MND1: variants seen among roughly 807,000 people sequenced by gnomAD.
MND1 encodes the protein meiotic nuclear divisions 1.
In MND1, 28 loss-of-function variants were observed where a neutral mutation model predicts 35.1. That is an observed-to-expected ratio of 0.80 (90% CI 0.59 to 1.09). The LOEUF is 1.09. Ranked by LOEUF, MND1 falls within the 50% of genes least tolerant of loss-of-function variation. The probability of loss-of-function intolerance (pLI) is 0.00; values close to 1 mark genes in which losing one functional copy is unlikely to be tolerated. For missense variants in MND1, 213 were observed against 239.6 expected (o/e 0.89, Z 0.73); for synonymous variants, 69 against 70.5 (o/e 0.98, Z 0.11).
Position 153,360,951 on chromosome 4 carries a change from C to T in MND1, c.276+2329C>T, listed in dbSNP as rs570996253. Among the ~76,000 whole-genome samples, 15 of 152,244 alleles carry T rather than the reference C, an allele frequency of 9.9e-5. No homozygotes were observed. The East Asian group carries it at 1.2e-3, about 12-fold the overall frequency. On this transcript the variant is annotated intron_variant, in intron 4 of 7. Coordinates refer to ENST00000240488, the MANE Select transcript of MND1 (RefSeq NM_032117.4). ...ACCTCCCAGGCCCAAGCCATCCTCC[C>T]GCCTCAGCCTCCTGAGTAGCTGGGA...
At chr4:153,412,832 G>A (rs1244807682) in intron 7 of MND1, among the ~76,000 whole-genome samples, 1 of 140,740 alleles carries the variant, frequency 7.1e-6, no homozygotes, top group African/African-American at 2.7e-5. Context: ...TTGAGACGGA[G>A]TCTTGCTTTG....
chr4:153,385,120 A>G (rs1352858921), intron 4 of MND1, among the ~76,000 whole-genome samples: 1 of 152,244 alleles, frequency 6.6e-6, no homozygotes, highest in East Asian at 1.9e-4. Flanking sequence ...CTGTATATGT[A>G]GTAGGTACTT....
rs192980562 is a variant in MND1 at position 153,406,004 on chromosome 4, C to T, written c.467-2967C>T. ...ATTTTTAGTAGAGAGGGAGTTTCAC[C>T]GTGTTAGCCAGGATGGTCTTGATCT... On this transcript the variant is annotated intron_variant, in intron 6 of 7. Coordinates refer to ENST00000240488, the MANE Select transcript of MND1 (RefSeq NM_032117.4). Among the ~76,000 whole-genome samples, 236 of 152,032 alleles carry T rather than the reference C, an allele frequency of 1.6e-3. 2 individuals carry two copies. The Middle Eastern group carries it at 0.041, about 26-fold the overall frequency.
intron 4 of MND1, chr4:153,381,744 G>T (rs1728713886): frequency 1.2e-5 from 1 of 83,506 alleles, no homozygotes; most frequent in African/African-American, 4.7e-5. Flanking sequence ...GTCTTGCTGT[G>T]TTTCCCAGGC....
intron 6 of MND1, among the ~76,000 whole-genome samples, chr4:153,405,271 TG>T (rs1322120358): frequency 3.3e-5 from 5 of 151,950 alleles, no homozygotes; most frequent in African/African-American, 1.2e-4. Flanking sequence ...AGTATGGTAG[TG>T]GTATGAGAAT....
At chr4:153,384,882 G>C (rs1353253931) in intron 4 of MND1, among the ~76,000 whole-genome samples, 1 of 152,088 alleles carries the variant, frequency 6.6e-6, no homozygotes, top group African/African-American at 2.4e-5. Flanking sequence ...GGGTTGGATT[G>C]CTGGAAATTT....
chr4:153,362,423 C>T (rs899269954), intron 4 of MND1, among the ~76,000 whole-genome samples: 1 of 152,102 alleles, frequency 6.6e-6, no homozygotes, highest in African/African-American at 2.4e-5. Flanking sequence ...GTAGCACCTC[C>T]CCCGCTTTCA....
At chr4:153,385,756 GC>G (rs1165866446) in intron 4 of MND1, among the ~76,000 whole-genome samples, 1 of 151,124 alleles carries the variant, frequency 6.6e-6, no homozygotes, top group African/African-American at 2.4e-5. Context: ...GGTAGAGCAT[GC>G]TTCAGACATC....
chr4:153,355,733 G>T, intron 3 of MND1, 22 bp downstream of exon 3: 2 of 1,445,638 alleles, frequency 1.4e-6, no homozygotes, highest in South Asian at 1.2e-5. Flanking sequence ...AGTTATACTG[G>T]AATGTTTTGG....
At chr4:153,364,625 G>A (rs146365867) in intron 4 of MND1, among the ~76,000 whole-genome samples, 7 of 152,284 alleles carry the variant, frequency 4.6e-5, no homozygotes, top group Non-Finnish European at 1.0e-4. Context: ...TAGCTGAAAG[G>A]TAGAAGCAAC....
intron 6 of MND1, among the ~76,000 whole-genome samples, chr4:153,403,607 G>T (rs755910741): frequency 6.6e-6 from 1 of 152,042 alleles, no homozygotes; most frequent in South Asian, 2.1e-4. Flanking sequence ...GCTTTCTAGG[G>T]TTGCTATGAG....
At position 153,353,404 on chromosome 4, in the gene MND1, C is replaced by CATATATAT. The variant is rs58280101; in HGVS notation, c.70-2213_70-2206dup. 6.7e-3 allele frequency among the ~76,000 whole-genome samples: 547 copies of CATATATAT among 81,838 alleles called. 8 individuals carry two copies. Among genetic ancestry groups the CATATATAT allele is most frequent in the Non-Finnish European group, 8.9e-3 (364 of 40,934 alleles). The allele number at this position is 81,838 out of a possible 152,430, so 53.7% of individuals were successfully genotyped here. A position where few individuals can be genotyped will look rare whatever the true frequency, so the allele number is the denominator to read the frequency against. ...ACATTTTATTCTACTGACTTTATCA[C>CATATATAT]ATATATATATATATATATATATATA... On this transcript the variant is annotated intron_variant, in intron 2 of 7. Coordinates refer to ENST00000240488, the MANE Select transcript of MND1 (RefSeq NM_032117.4).
chr4:153,391,580 C>T (rs926174140), intron 4 of MND1, among the ~76,000 whole-genome samples: 23 of 151,370 alleles, frequency 1.5e-4, no homozygotes, highest in Non-Finnish European at 2.1e-4. Flanking sequence ...ACAAAAAATT[C>T]GTCGGATGTG....
intron 4 of MND1, among the ~76,000 whole-genome samples, chr4:153,384,803 C>T (rs147094481): frequency 7.8e-4 from 119 of 152,192 alleles, no homozygotes; most frequent in African/African-American, 2.8e-3. Context: ...GATTTTCATA[C>T]TCTTTATGTC....
chr4:153,367,731 A>G (rs1002844508), intron 4 of MND1, among the ~76,000 whole-genome samples: 2 of 152,182 alleles, frequency 1.3e-5, no homozygotes, highest in Non-Finnish European at 2.9e-5. Context: ...GTCATATGGT[A>G]ACTCTGTGTT....
intron 6 of MND1, among the ~76,000 whole-genome samples, chr4:153,406,962 C>T (rs1216311700): frequency 6.6e-5 from 10 of 152,168 alleles, no homozygotes. Flanking sequence ...CAGGGAAACT[C>T]CCATTTTTAA....
At chr4:153,352,356 C>T (rs1438651809) in intron 2 of MND1, among the ~76,000 whole-genome samples, 1 of 152,012 alleles carries the variant, frequency 6.6e-6, no homozygotes, top group Non-Finnish European at 1.5e-5. Flanking sequence ...GCCCGTTGCA[C>T]TTAGGAAGAA....
chr4:153,352,300 CGT>C (rs3048067), intron 2 of MND1, among the ~76,000 whole-genome samples: 2 of 151,410 alleles, frequency 1.3e-5, no homozygotes, highest in Non-Finnish European at 2.9e-5. Context: ...TATATATGTG[CGT>C]GTGTGTGTGT....
chr4:153,400,619 G>A (rs1167393961), intron 6 of MND1, among the ~76,000 whole-genome samples: 1 of 152,084 alleles, frequency 6.6e-6, no homozygotes, highest in Non-Finnish European at 1.5e-5. Context: ...GGCTGAGATG[G>A]GAGGATTCCT....
Sources: gnomAD v4.1 joint callset for allele counts (sites outside exome capture counted in the v4.1 genomes callset) on GRCh38, gnomAD v4.1.1 for gene constraint, MANE v1.5 for transcripts, NCBI Gene and HGNC (gene_info 2026-07-23, HGNC 2026-07-21) for gene names.